LAMP1: variants seen among roughly 807,000 people sequenced by gnomAD.
The protein encoded by LAMP1 is lysosome-associated membrane glycoprotein 1.
A neutral mutation model predicts 37.5 loss-of-function variants in LAMP1; 7 were observed. The ratio of observed to expected loss-of-function variants is 0.19; its 90% CI spans 0.11 to 0.35. The LOEUF is 0.35. LAMP1 is among the 10% of genes least tolerant of loss of function. The probability of loss-of-function intolerance (pLI) is 1.00; values close to 1 mark genes in which losing one functional copy is unlikely to be tolerated. For missense variants in LAMP1, 537 were observed against 552.8 expected, an observed-to-expected ratio of 0.97 and a Z score of 0.29; for synonymous variants, 236 against 229.1, an observed-to-expected ratio of 1.03 and a Z score of -0.27.
intron 8 of LAMP1, 198 bp from the exon 9 acceptor site, chr13:113,322,084 C>G (rs939232724): frequency 1.6e-6 from 1 of 616,358 alleles, no homozygotes; most frequent in Non-Finnish European, 2.8e-6. Context: ...GGGGGAGAGA[C>G]GTGTGTGGTT....
rs1029148316 is a variant in LAMP1, at chr13:113,320,934, C to T, written c.876+464C>T. ...ATGCTTTCCTGTGCTGTGATAGCTC[C>T]TGCAGTCCCCGTTTTCCAGAGACTG... On this transcript the variant is annotated intron_variant, in intron 6 of 8. Coordinates refer to ENST00000332556, the MANE Select transcript of LAMP1 (RefSeq NM_005561.4). The surrounding 1 kb of genome is among the most constrained non-coding windows in gnomAD (Gnocchi z 4.4). 1 of 222,100 alleles carries T rather than the reference C, an allele frequency of 4.5e-6. No homozygotes were observed. The highest frequency in any genetic ancestry group is 9.0e-6 in the Non-Finnish European group (1 of 110,816). 13.8% of individuals were successfully genotyped at this position (222,100 alleles called of 1,614,324 possible). A position where few individuals can be genotyped will look rare whatever the true frequency, so the allele number is the denominator to read the frequency against.
chr13:113,320,453 C>T lies in LAMP1; in HGVS notation c.859C>T (p.Leu287Phe). ...ELHSEGTTVL[L>F]FQFGMNASSS... The stretch of plus-strand genomic sequence containing the variant: ...GCACAGCGAGGGCACCACCGTCCTG[C>T]TCTTCCAGTTCGGGATGGTGAGGCT... The change falls in exon 6 of 9, where the codon CTC becomes TTC. Residue 287 changes from leucine (L) to phenylalanine (F), a missense_variant. Leu to Phe is a conservative substitution (Grantham distance 22). Transcript: ENST00000332556. This position sits in a 1 kb window ranked among gnomAD's most constrained non-coding sequence, Gnocchi z 4.4. The T allele has an allele frequency of 3.7e-6, 6 of 1,609,208 alleles. No homozygotes were observed. The highest frequency in any genetic ancestry group is 5.1e-6 in the Non-Finnish European group (6 of 1,179,894).
Position 113,320,387 on chromosome 13 carries a change from G to A in LAMP1, c.793G>A (p.Ala265Thr), listed in dbSNP as rs2042691507. The part of the protein sequence containing the change: ...LLNINPNKTS[A>T]SGSCGAHLVT... ...CAACATCAACCCCAACAAGACCTCGGCCAGCGGGAGCTGCGGCGCCCACCT... is the reference window on the plus strand; with the variant it reads ...CAACATCAACCCCAACAAGACCTCGACCAGCGGGAGCTGCGGCGCCCACCT... The change falls in exon 6 of 9, where the codon GCC (alanine) becomes ACC (threonine). Residue 265 changes from alanine to threonine, a missense_variant. Physicochemically the swap from Ala to Thr is moderately conservative, Grantham distance 58. Coordinates refer to ENST00000332556, the MANE Select transcript of LAMP1 (RefSeq NM_005561.4). This position sits in a 1 kb window ranked among gnomAD's most constrained non-coding sequence, Gnocchi z 4.4. The A allele has an allele frequency of 6.2e-7, 1 of 1,613,694 alleles. No homozygotes were observed. The highest frequency in any genetic ancestry group is 8.5e-7 in the Non-Finnish European group (1 of 1,180,024).
At chr13:113,301,753 AT>A (rs1212809893) in intron 1 of LAMP1, among the ~76,000 whole-genome samples, 2 of 145,332 alleles carry the variant, frequency 1.4e-5, no homozygotes, top group African/African-American at 2.6e-5. Flanking sequence ...CTGGGATGGT[AT>A]TTTTTTCCTT....
At position 113,321,295 on chromosome 13, in the gene LAMP1, A is replaced by T; in HGVS notation, c.877-109A>T. On this transcript the variant is annotated intron_variant, in intron 6 of 8. Transcript: ENST00000332556. This position sits in a 1 kb window ranked among gnomAD's most constrained non-coding sequence, Gnocchi z 5.6. ...ACTAGAAATGTAGGAAGTCAGGTTTATTACCCAATGACCATTCACGTTTGA... is the reference window on the plus strand; with the variant it reads ...ACTAGAAATGTAGGAAGTCAGGTTTTTTACCCAATGACCATTCACGTTTGA... 1.1e-6 allele frequency: 1 copy of T among 905,786 alleles called. No individual in the cohort carries two copies. 56.1% of individuals were successfully genotyped at this position (905,786 alleles called of 1,614,324 possible). A position where few individuals can be genotyped will look rare whatever the true frequency, so the allele number is the denominator to read the frequency against.
intron 1 of LAMP1, among the ~76,000 whole-genome samples, chr13:113,304,576 A>C (rs951704837): frequency 6.6e-6 from 1 of 152,204 alleles, no homozygotes; most frequent in African/African-American, 2.4e-5. Flanking sequence ...TGTGGCTTGA[A>C]AAACCAAGCA....
At chr13:113,317,433 T>G (rs145405877) in intron 4 of LAMP1, among the ~76,000 whole-genome samples, 1 of 152,336 alleles carries the variant, frequency 6.6e-6, no homozygotes, top group Non-Finnish European at 1.5e-5. Context: ...AGTTCCAGTT[T>G]TTTAAACTGG....
intron 1 of LAMP1, among the ~76,000 whole-genome samples, chr13:113,300,951 AT>A (rs1401627937): frequency 6.6e-6 from 1 of 152,150 alleles, no homozygotes; most frequent in African/African-American, 2.4e-5. Context: ...GTAATTTTGA[AT>A]TTGTATTGCA....
intron 3 of LAMP1, among the ~76,000 whole-genome samples, chr13:113,310,293 C>G (rs897659754): frequency 1.3e-5 from 2 of 150,636 alleles, no homozygotes; most frequent in African/African-American, 2.4e-5. Flanking sequence ...TTTGGGAGGC[C>G]GAGGCGGGCA....
chr13:113,309,364 G>T (rs2042617064), intron 2 of LAMP1, among the ~76,000 whole-genome samples: 1 of 152,170 alleles, frequency 6.6e-6, no homozygotes, highest in African/African-American at 2.4e-5. Flanking sequence ...GCCTCCCAGA[G>T]TGTTAGCATT....
At chr13:113,306,794 G>A (rs2042601138) in intron 2 of LAMP1, among the ~76,000 whole-genome samples, 188 bp downstream of exon 2, 1 of 137,356 alleles carries the variant, frequency 7.3e-6, no homozygotes. Flanking sequence ...TAACAAACCT[G>A]TATATGTGCT....
At chr13:113,302,603 T>C (rs1467658747) in intron 1 of LAMP1, among the ~76,000 whole-genome samples, 1 of 152,238 alleles carries the variant, frequency 6.6e-6, no homozygotes, top group Non-Finnish European at 1.5e-5. Flanking sequence ...AATTAAATTT[T>C]TTTTTTAAGA....
intron 1 of LAMP1, 121 bp from the exon 2 acceptor site, chr13:113,306,364 A>AG: frequency 1.6e-6 from 2 of 1,226,194 alleles, no homozygotes; most frequent in Admixed American, 2.4e-5. Flanking sequence ...AAAAAAAAAA[A>AG]AAGAGAAACA....
intron 1 of LAMP1, among the ~76,000 whole-genome samples, chr13:113,302,459 G>C (rs534864713): frequency 1.5e-4 from 23 of 152,230 alleles, no homozygotes; most frequent in African/African-American, 5.3e-4. Flanking sequence ...CAAAGTGCTG[G>C]GATTACAGGC....
At chr13:113,314,343 C>A (rs1209823792) in intron 4 of LAMP1, among the ~76,000 whole-genome samples, 8 of 110,338 alleles carry the variant, frequency 7.3e-5, no homozygotes, top group South Asian at 2.9e-4. Flanking sequence ...CGGAGATGCC[C>A]GTGTGCCTGG....
At position 113,322,061 on chromosome 13, in the gene LAMP1, CCT is replaced by C. The variant is rs150181619; in HGVS notation, c.1115-220_1115-219del. On this transcript the variant is annotated intron_variant, in intron 8 of 8. Transcript: ENST00000332556. ...GCAGCACAGCTGTCCGGCCACAGCC[CCT>C]GATTCCAGACGGGGGAGAGACGTGT... is the stretch of plus-strand genomic sequence containing the variant. The C allele has an allele frequency of 1.0e-3, 587 of 588,782 alleles. 10 individuals carry two copies. The East Asian group carries it at 0.014, about 14-fold the overall frequency. The allele number at this position is 588,782 out of a possible 1,614,324, so 36.5% of individuals were successfully genotyped here.
chr13:113,304,704 T>TG (rs1163877733), intron 1 of LAMP1, among the ~76,000 whole-genome samples: 1 of 152,010 alleles, frequency 6.6e-6, no homozygotes, highest in African/African-American at 2.4e-5. Flanking sequence ...TCACCCAGGC[T>TG]GGAGGGCAGT....
chr13:113,311,223 C>T (rs548925947), intron 4 of LAMP1, among the ~76,000 whole-genome samples: 2 of 152,142 alleles, frequency 1.3e-5, no homozygotes, highest in South Asian at 2.1e-4. Context: ...GAAGATAGAG[C>T]GTTTCCGGAA....
At chr13:113,304,971 A>G (rs980914713) in intron 1 of LAMP1, 3 of 152,136 alleles carry the variant, frequency 2.0e-5, no homozygotes, top group African/African-American at 2.4e-5. Context: ...CCTTTTCTTT[A>G]TGGACATAGA....
Sources: gnomAD v4.1 joint callset for allele counts (sites outside exome capture counted in the v4.1 genomes callset) on GRCh38, gnomAD v4.1.1 for gene constraint, Gnocchi (gnomAD v3.1) non-coding constraint, MANE v1.5 for transcripts, NCBI Gene and HGNC (gene_info 2026-07-23, HGNC 2026-07-21) for gene names.